RANBP3: variants seen among roughly 807,000 people sequenced by gnomAD.
RANBP3 encodes RAN binding protein 3, also known as ran-binding protein 3.
RANBP3 carries 14 observed loss-of-function variants against 77.3 expected under a neutral mutation model. The ratio of observed to expected loss-of-function variants is 0.18; its 90% CI spans 0.12 to 0.28. RANBP3 has a LOEUF of 0.28. Ranked by LOEUF, RANBP3 falls within the 10% of genes least tolerant of loss-of-function variation. The pLI, the probability that RANBP3 is intolerant of heterozygous loss-of-function variation, is 1.00. For missense variants in RANBP3, 586 were observed against 752.3 expected (o/e 0.78, Z 2.59); for synonymous variants, 315 against 312.4 (o/e 1.01, Z -0.09).
chr19:5,954,041 T>C (rs2058306360), intron 2 of RANBP3, among the ~76,000 whole-genome samples: 1 of 152,230 alleles, frequency 6.6e-6, no homozygotes, highest in African/African-American at 2.4e-5. Flanking sequence ...AACCGCTGTG[T>C]GGCTTTGCCA....
chr19:5,937,743 C>T (rs775946235), intron 5 of RANBP3, among the ~76,000 whole-genome samples: 2 of 148,524 alleles, frequency 1.3e-5, no homozygotes, highest in Admixed American at 6.8e-5. Flanking sequence ...AACCATGCCG[C>T]GTCGGGGCCT....
intron 3 of RANBP3, among the ~76,000 whole-genome samples, chr19:5,946,583 A>C (rs566896844): frequency 1.3e-5 from 2 of 152,278 alleles, no homozygotes; most frequent in East Asian, 3.9e-4. Flanking sequence ...GGGAAGCAAG[A>C]AGACAGAACG....
intron 1 of RANBP3, among the ~76,000 whole-genome samples, chr19:5,977,519 G>T (rs973189595): frequency 1.3e-5 from 2 of 152,114 alleles, no homozygotes; most frequent in African/African-American, 4.8e-5. Flanking sequence ...AGTGGGGGCC[G>T]AAGTTCGGGG....
intron 14 of RANBP3, among the ~76,000 whole-genome samples, chr19:5,919,827 G>C (rs1444913550): frequency 6.6e-6 from 1 of 151,952 alleles, no homozygotes; most frequent in Non-Finnish European, 1.5e-5. Flanking sequence ...CGTGAACCTG[G>C]GAGGTGGAGG....
At chr19:5,970,309 C>A (rs1439650961) in intron 1 of RANBP3, among the ~76,000 whole-genome samples, 1 of 152,048 alleles carries the variant, frequency 6.6e-6, no homozygotes, top group African/African-American at 2.4e-5. Flanking sequence ...ACCAGGGTGA[C>A]CCCCCACCCT....
At chr19:5,934,702 T>C (rs532192296) in intron 5 of RANBP3, among the ~76,000 whole-genome samples, 55 of 152,048 alleles carry the variant, frequency 3.6e-4, no homozygotes, top group Non-Finnish European at 6.0e-4. Context: ...GGCATGGTGG[T>C]ACATGCCTGT....
In RANBP3 at chr19:5,933,417, C is replaced by T. The variant is rs746705100; in HGVS notation, c.469G>A (p.Ala157Thr). 81 of 1,612,264 alleles carry T rather than the reference C, an allele frequency of 5.0e-5. No homozygotes were observed. The highest frequency in any genetic ancestry group is 1.6e-4 in the Middle Eastern group (1 of 6,078). Residue 157 changes from alanine (A) to threonine (T), a missense_variant, in exon 6 of 17, where the codon GCA becomes ACA. Physicochemically the swap from Ala to Thr is moderately conservative, Grantham distance 58 (BLOSUM62 0). Around this residue, in one of 5 missense-constraint regions of RANBP3, gnomAD observed 232 missense variants for 271.7 expected, o/e 0.85. Transcript: ENST00000340578. Reference sequence around the variant, plus strand: ...CCCAGGGAGGTAGACGACCTACCTGCGCTGGGGGCTTGGCCGTGGATCAGC... The same window carrying T: ...CCCAGGGAGGTAGACGACCTACCTGTGCTGGGGGCTTGGCCGTGGATCAGC... The part of the protein sequence containing the change: ...PTLIHGQAPS[A>T]GLPSQKPKEQ...
intron 1 of RANBP3, among the ~76,000 whole-genome samples, chr19:5,968,519 T>C (rs2058494637): frequency 6.6e-6 from 1 of 152,218 alleles, no homozygotes; most frequent in Non-Finnish European, 1.5e-5. Flanking sequence ...GCTCGGAAGA[T>C]TGCAAACATA....
At chr19:5,945,083 T>C (rs2058187294) in intron 3 of RANBP3, among the ~76,000 whole-genome samples, 1 of 152,174 alleles carries the variant, frequency 6.6e-6, no homozygotes, top group African/African-American at 2.4e-5. Context: ...TGTGGCTTAT[T>C]CTGATCCTGG....
chr19:5,924,957 G>A lies in RANBP3; in HGVS notation c.918-52C>T. The A allele has an allele frequency of 6.6e-7, 1 of 1,522,304 alleles. No individual in the cohort carries two copies. 94.3% of individuals were successfully genotyped at this position (1,522,304 alleles called of 1,614,324 possible). On this transcript the variant is annotated intron_variant, in intron 10 of 16. Coordinates refer to ENST00000340578, the MANE Select transcript of RANBP3 (RefSeq NM_007322.3). This position sits in a 1 kb window ranked among gnomAD's most constrained non-coding sequence, Gnocchi z 4.7. ...GGGGCGTCACGTGGGAACGTGGCCA[G>A]GCAAATGTATGGGTACCCATGGAGC...
chr19:5,956,680 C>CA (rs1252017142), intron 2 of RANBP3, among the ~76,000 whole-genome samples: 1 of 152,162 alleles, frequency 6.6e-6, no homozygotes, highest in Non-Finnish European at 1.5e-5. Context: ...CCTACAAACA[C>CA]ACACACCCGA....
At chr19:5,932,419 C>A in intron 7 of RANBP3, 33 bp downstream of exon 7, 1 of 1,596,646 alleles carries the variant, frequency 6.3e-7, no homozygotes, top group Non-Finnish European at 8.6e-7. Context: ...ACCCTGCCGT[C>A]TGGGCCTGGG....
chr19:5,951,627 T>C (rs901272692), intron 2 of RANBP3, 31 bp from the exon 3 acceptor site: 11 of 1,590,804 alleles, frequency 6.9e-6, no homozygotes, highest in African/African-American at 1.3e-5. Context: ...TTTCCTTCAA[T>C]GTGAATAAAG....
At chr19:5,925,129 G>A (rs2145045155) in intron 10 of RANBP3, 1 of 566,416 alleles carries the variant, frequency 1.8e-6, no homozygotes, top group East Asian at 3.0e-5. Flanking sequence ...CAGCATGAGG[G>A]AAGCCACCTT....
At chr19:5,967,876 C>A (rs1043634376) in intron 1 of RANBP3, among the ~76,000 whole-genome samples, 4 of 152,146 alleles carry the variant, frequency 2.6e-5, no homozygotes, top group South Asian at 2.1e-4. Flanking sequence ...CAAAAATTAG[C>A]TGGGCCTGGT....
At chr19:5,967,985 C>T (rs965248054) in intron 1 of RANBP3, among the ~76,000 whole-genome samples, 1 of 151,968 alleles carries the variant, frequency 6.6e-6, no homozygotes, top group South Asian at 2.1e-4. Context: ...CCACTGCACT[C>T]CAGCCTGGGC....
intron 3 of RANBP3, among the ~76,000 whole-genome samples, 177 bp from the exon 4 acceptor site, chr19:5,942,012 T>G (rs1029128240): frequency 6.6e-6 from 1 of 152,130 alleles, no homozygotes; most frequent in Middle Eastern, 3.4e-3. Flanking sequence ...CCGATGAACC[T>G]CTGCACCCAG....
At chr19:5,929,120 C>T (rs2057952987) in intron 8 of RANBP3, among the ~76,000 whole-genome samples, 1 of 152,192 alleles carries the variant, frequency 6.6e-6, no homozygotes, top group Non-Finnish European at 1.5e-5. Context: ...CAGCGGATCA[C>T]AGCGCTGAGG....
At chr19:5,968,822 T>C (rs2058497821) in intron 1 of RANBP3, among the ~76,000 whole-genome samples, 1 of 152,158 alleles carries the variant, frequency 6.6e-6, no homozygotes, top group African/African-American at 2.4e-5. Context: ...AGCTTGCCAC[T>C]GGAGACAGGA....
Sources: gnomAD v4.1 joint callset for allele counts (sites outside exome capture counted in the v4.1 genomes callset) on GRCh38, gnomAD v4.1.1 for gene constraint, gnomAD v4.1.1 regional missense constraint, Gnocchi (gnomAD v3.1) non-coding constraint, MANE v1.5 for transcripts, NCBI Gene and HGNC (gene_info 2026-07-23, HGNC 2026-07-21) for gene names.